PLEKHA7: variants seen among roughly 807,000 people sequenced by gnomAD.
The protein encoded by PLEKHA7 is pleckstrin homology domain containing A7.
In PLEKHA7, 104 loss-of-function variants were observed where a neutral mutation model predicts 170.0. That is an observed-to-expected ratio of 0.61 (90% CI 0.52 to 0.72). The LOEUF (loss-of-function observed/expected upper bound fraction) is 0.72. PLEKHA7 is among the 30% of genes least tolerant of loss of function. The pLI, the probability that PLEKHA7 is intolerant of heterozygous loss-of-function variation, is 0.00. For synonymous variants in PLEKHA7, 648 were observed against 660.8 expected (o/e 0.98, Z 0.30); for missense variants, 1,615 against 1,671.7 (o/e 0.97, Z 0.59).
At chr11:16,905,460 A>G (rs763353086) in intron 3 of PLEKHA7, among the ~76,000 whole-genome samples, 22 of 152,066 alleles carry the variant, frequency 1.4e-4, no homozygotes, top group Non-Finnish European at 2.5e-4. Context: ...GGTCATGATA[A>G]CCCAAACTGT....
intron 3 of PLEKHA7, among the ~76,000 whole-genome samples, chr11:16,932,446 T>C (rs781659097): frequency 6.6e-6 from 1 of 152,102 alleles, no homozygotes; most frequent in Non-Finnish European, 1.5e-5. Context: ...CTCACCTGGC[T>C]AATTTTTCAA....
At position 16,782,737 on chromosome 11, in the gene PLEKHA7, C is replaced by T. The variant is rs535728228; in HGVS notation, c.3793+17G>A. On this transcript the variant is annotated intron_variant, in intron 26 of 26. Coordinates refer to ENST00000531066, the MANE Select transcript of PLEKHA7 (RefSeq NM_001329630.2). ...TGGGGCAGGATCCAGGCCTTGGGGG[C>T]TGGGCCATGGCCTTACCTGCCACCT... 7.1e-5 allele frequency: 109 copies of T among 1,535,500 alleles called. 1 individual carries two copies. The South Asian group carries it at 1.1e-3, about 15-fold the overall frequency.
intron 3 of PLEKHA7, among the ~76,000 whole-genome samples, chr11:16,875,373 A>T (rs1279090083): frequency 6.6e-6 from 1 of 151,960 alleles, no homozygotes; most frequent in African/African-American, 2.4e-5. Flanking sequence ...TTTTTCAAAA[A>T]GACTCATACA....
At chr11:16,905,143 TTGGGAGGCTGAGG>T (rs1188483125) in intron 3 of PLEKHA7, among the ~76,000 whole-genome samples, 5 of 152,036 alleles carry the variant, frequency 3.3e-5, no homozygotes, top group Admixed American at 3.3e-4. Flanking sequence ...TCCCAGCTAC[TTGGGAGGCTGAGG>T]TGGGAGGATA....
At chr11:16,917,577 C>A (rs1858782308) in intron 3 of PLEKHA7, among the ~76,000 whole-genome samples, 1 of 152,208 alleles carries the variant, frequency 6.6e-6, no homozygotes, top group Non-Finnish European at 1.5e-5. Context: ...CCAACCTCTA[C>A]TACCCTCCTC....
chr11:16,784,975 G>A (rs758188464), intron 24 of PLEKHA7, among the ~76,000 whole-genome samples: 2 of 152,146 alleles, frequency 1.3e-5, no homozygotes, highest in Admixed American at 1.3e-4. Context: ...ATCTGAGAAC[G>A]CACAGACCTT....
chr11:16,905,604 T>C (rs75554335), intron 3 of PLEKHA7, among the ~76,000 whole-genome samples: 1,932 of 152,182 alleles, frequency 0.013, 44 homozygotes, highest in African/African-American at 0.044. Flanking sequence ...CCACACACAG[T>C]GCCATGGTAT....
intron 17 of PLEKHA7, among the ~76,000 whole-genome samples, chr11:16,795,474 C>T (rs1486333649): frequency 6.6e-6 from 1 of 152,144 alleles, no homozygotes; most frequent in Non-Finnish European, 1.5e-5. Context: ...ATGTACTTAA[C>T]ACCACTGAAC....
At chr11:17,012,344 C>T (rs1278888218) in intron 3 of PLEKHA7, among the ~76,000 whole-genome samples, 1 of 152,220 alleles carries the variant, frequency 6.6e-6, no homozygotes, top group Non-Finnish European at 1.5e-5. Flanking sequence ...CACATTCCAG[C>T]CTTCCTGCTC....
At chr11:16,889,230 C>T (rs954910381) in intron 3 of PLEKHA7, among the ~76,000 whole-genome samples, 6 of 151,638 alleles carry the variant, frequency 4.0e-5, no homozygotes, top group Non-Finnish European at 8.8e-5. Context: ...GATCTCCCCA[C>T]CATGTACCTT....
At chr11:16,876,948 TAA>T (rs1432803549) in intron 3 of PLEKHA7, among the ~76,000 whole-genome samples, 1 of 152,198 alleles carries the variant, frequency 6.6e-6, no homozygotes, top group East Asian at 1.9e-4. Flanking sequence ...AGCACCCTGA[TAA>T]ATCTGGTTTT....
intron 3 of PLEKHA7, among the ~76,000 whole-genome samples, chr11:16,884,858 A>C (rs1855964198): frequency 6.6e-6 from 1 of 152,184 alleles, no homozygotes; most frequent in Non-Finnish European, 1.5e-5. Flanking sequence ...ACAGTAAAGA[A>C]ATTTCTGTAA....
intron 3 of PLEKHA7, among the ~76,000 whole-genome samples, chr11:17,005,967 A>G (rs919339044): frequency 1.3e-5 from 2 of 152,212 alleles, no homozygotes; most frequent in Non-Finnish European, 2.9e-5. Flanking sequence ...TTTCTATTTT[A>G]GTATATATGT....
intron 3 of PLEKHA7, among the ~76,000 whole-genome samples, chr11:16,950,701 C>T (rs887467695): frequency 6.6e-6 from 1 of 152,198 alleles, no homozygotes; most frequent in Non-Finnish European, 1.5e-5. Flanking sequence ...ATTCCCTCAG[C>T]CTGAGCCATT....
intron 3 of PLEKHA7, among the ~76,000 whole-genome samples, chr11:16,907,404 CCCGG>C (rs1857878956): frequency 7.5e-6 from 1 of 133,596 alleles, no homozygotes; most frequent in Non-Finnish European, 1.7e-5. Context: ...CAGCCCCCCG[CCCGG>C]CCAGCCGCCC....
At position 16,817,232 on chromosome 11, in the gene PLEKHA7, T is replaced by G. The variant is rs1286980929; in HGVS notation, c.1434A>C (p.Arg478=). 1 of 1,613,908 alleles carries G rather than the reference T, an allele frequency of 6.2e-7. No homozygotes were observed. The highest frequency in any genetic ancestry group is 1.1e-5 in the South Asian group (1 of 91,068). The change falls in exon 11 of 27, where the codon CGA becomes CGC. Residue 478 remains arginine, a synonymous_variant. Coordinates refer to ENST00000531066, the MANE Select transcript of PLEKHA7 (RefSeq NM_001329630.2). The surrounding 1 kb of genome is among the most constrained non-coding windows in gnomAD (Gnocchi z 4.4). ...GTGGCGAGGAGCCCCCCGAGGGGTG[T>G]CGGGTGCTCTTGGGAAGAGTCTGGT... ...ENYQTLPKST[R]HPSGGSSPPP... is the part of the protein sequence containing the mutation.
Position 17,014,342 on chromosome 11 carries a change from G to C in PLEKHA7, c.60C>G (p.Cys20Trp). The change falls in exon 1 of 27, where the codon TGC becomes TGG. Residue 20 changes from cysteine (C) to tryptophan (W), a missense_variant. Physicochemically the swap from Cys to Trp is radical, Grantham distance 215 (BLOSUM62 -2). Transcript: ENST00000531066. ...TGATGAAGAAGACGCGGCCATCCCGGCACACCCCGTAGGACCAATGCTCAG... is the reference window on the plus strand; with the variant it reads ...TGATGAAGAAGACGCGGCCATCCCGCCACACCCCGTAGGACCAATGCTCAG... ...TLPEHWSYGV[C>W]RDGRVFFIND... 1 of 1,434,442 alleles carries C rather than the reference G, an allele frequency of 7.0e-7. No individual in the cohort carries two copies. The highest frequency in any genetic ancestry group is 3.3e-5 in the East Asian group (1 of 30,534). 88.9% of individuals were successfully genotyped at this position (1,434,442 alleles called of 1,614,324 possible).
chr11:16,792,322 C>T (rs980837279), intron 19 of PLEKHA7, among the ~76,000 whole-genome samples: 2 of 151,980 alleles, frequency 1.3e-5, no homozygotes, highest in South Asian at 4.1e-4. Flanking sequence ...GCTTTTGTAT[C>T]TTTTGAGAAT....
At chr11:16,878,011 C>A (rs1351732029) in intron 3 of PLEKHA7, among the ~76,000 whole-genome samples, 1 of 152,178 alleles carries the variant, frequency 6.6e-6, no homozygotes, top group Non-Finnish European at 1.5e-5. Flanking sequence ...TTTAACAGGG[C>A]AAGAATAGAA....
Sources: gnomAD v4.1 joint callset for allele counts (sites outside exome capture counted in the v4.1 genomes callset) on GRCh38, gnomAD v4.1.1 for gene constraint, Gnocchi (gnomAD v3.1) non-coding constraint, MANE v1.5 for transcripts, NCBI Gene and HGNC (gene_info 2026-07-23, HGNC 2026-07-21) for gene names.